The following ALK variants were observed in gnomAD, a reference collection of about 807,000 sequenced individuals.
ALK encodes the protein ALK tyrosine kinase receptor.
Under a neutral mutation model 163.1 loss-of-function variants are expected in ALK, and 74 were observed. The observed-to-expected ratio is 0.45, with a 90% CI of 0.38 to 0.55. ALK has a LOEUF of 0.55. ALK is among the 20% of genes least tolerant of loss of function. The probability of loss-of-function intolerance (pLI) is 0.00; values close to 1 mark genes in which losing one functional copy is unlikely to be tolerated. For synonymous variants in ALK, 960 were observed against 843.2 expected (o/e 1.14, Z -2.40); for missense variants, 2,063 against 2,105.3 (o/e 0.98, Z 0.39).
chr2:29,354,717 T>C (rs1008799632), intron 5 of ALK, among the ~76,000 whole-genome samples: 10 of 152,168 alleles, frequency 6.6e-5, no homozygotes, highest in South Asian at 2.1e-4. Context: ...AGCTTTCTGG[T>C]TCCAGTCCCA....
At chr2:29,355,304 A>T (rs545602652) in intron 5 of ALK, among the ~76,000 whole-genome samples, 1 of 152,296 alleles carries the variant, frequency 6.6e-6, no homozygotes, top group South Asian at 2.1e-4. Flanking sequence ...AAACAAAGTC[A>T]TGCAGCACTG....
intron 1 of ALK, among the ~76,000 whole-genome samples, chr2:29,809,152 G>C (rs1664691102): frequency 6.6e-6 from 1 of 152,200 alleles, no homozygotes; most frequent in African/African-American, 2.4e-5. Context: ...TATGGATGAA[G>C]AGCATTTACT....
At chr2:29,249,457 A>G (rs1489265566) in intron 12 of ALK, among the ~76,000 whole-genome samples, 1 of 151,828 alleles carries the variant, frequency 6.6e-6, no homozygotes, top group Non-Finnish European at 1.5e-5. Context: ...GGTGATTCCT[A>G]TGCCCTCCTT....
At chr2:29,242,028 G>A (rs1277254045) in intron 12 of ALK, among the ~76,000 whole-genome samples, 1 of 152,132 alleles carries the variant, frequency 6.6e-6, no homozygotes, top group Non-Finnish European at 1.5e-5. Flanking sequence ...ACTCCCTCCT[G>A]ATCCATGAGA....
intron 3 of ALK, among the ~76,000 whole-genome samples, chr2:29,549,179 C>T (rs1270099728): frequency 6.6e-6 from 1 of 152,052 alleles, no homozygotes; most frequent in Non-Finnish European, 1.5e-5. Context: ...CACACGGACA[C>T]ACACATGCAC....
intron 3 of ALK, among the ~76,000 whole-genome samples, chr2:29,659,080 G>C (rs1273537921): frequency 6.6e-6 from 1 of 152,080 alleles, no homozygotes; most frequent in Non-Finnish European, 1.5e-5. Flanking sequence ...TAAAGTCCTA[G>C]ATTTAATGCT....
intron 1 of ALK, among the ~76,000 whole-genome samples, chr2:29,824,846 T>C (rs1232206820): frequency 6.6e-6 from 1 of 151,768 alleles, no homozygotes. Flanking sequence ...TGGGGGATGG[T>C]TGGGAATGCA....
intron 18 of ALK, among the ~76,000 whole-genome samples, chr2:29,226,496 AAAAAAAG>A (rs1663998662): frequency 1.3e-5 from 2 of 150,996 alleles, no homozygotes; most frequent in Non-Finnish European, 2.9e-5. Context: ...AAAAAAAAAA[AAAAAAAG>A]AGGAGGAGAA....
At chr2:29,888,623 T>C (rs553141073) in intron 1 of ALK, among the ~76,000 whole-genome samples, 1 of 152,318 alleles carries the variant, frequency 6.6e-6, no homozygotes, top group Admixed American at 6.5e-5. Flanking sequence ...AAGGAATTGT[T>C]AATATTTCTG....
At chr2:29,435,074 CCCT>C (rs1263824258) in intron 4 of ALK, among the ~76,000 whole-genome samples, 50 of 152,140 alleles carry the variant, frequency 3.3e-4, no homozygotes, top group Non-Finnish European at 6.0e-4. Flanking sequence ...TCAAGCAAAG[CCCT>C]TGGGACCTCT....
intron 8 of ALK, among the ~76,000 whole-genome samples, chr2:29,306,311 G>T (rs1284250366): frequency 1.3e-5 from 2 of 152,170 alleles, no homozygotes; most frequent in African/African-American, 4.8e-5. Context: ...AAGCCCACAG[G>T]CTGCAGACCT....
intron 3 of ALK, among the ~76,000 whole-genome samples, chr2:29,558,224 C>T (rs1303644038): frequency 6.6e-6 from 1 of 152,192 alleles, no homozygotes; most frequent in Non-Finnish European, 1.5e-5. Context: ...TGAGATTACT[C>T]ACAGAGACAG....
At chr2:29,405,334 T>G (rs753067390) in intron 4 of ALK, among the ~76,000 whole-genome samples, 28 of 152,204 alleles carry the variant, frequency 1.8e-4, no homozygotes, top group Admixed American at 6.5e-4. Flanking sequence ...GTCTGTGTCT[T>G]CTAACCTACA....
chr2:29,739,418 C>T lies in ALK; in HGVS notation c.668-21721G>A, dbSNP rs569916270. On this transcript the variant is annotated intron_variant, in intron 1 of 28. Transcript: ENST00000389048. Reference sequence around the variant, plus strand: ...ACTAAAAATACAAAAATTAGCTGAGCGTGGTGGTATGTGCCTGTAGTCTCA... The same window carrying T: ...ACTAAAAATACAAAAATTAGCTGAGTGTGGTGGTATGTGCCTGTAGTCTCA... Among the ~76,000 whole-genome samples, 266 of 151,552 alleles carry T rather than the reference C, an allele frequency of 1.8e-3. 7 individuals carry two copies. The highest frequency in any genetic ancestry group is 6.2e-3 in the African/African-American group (254 of 41,168).
intron 3 of ALK, among the ~76,000 whole-genome samples, chr2:29,625,660 G>A (rs1430996660): frequency 6.6e-6 from 1 of 152,228 alleles, no homozygotes; most frequent in Non-Finnish European, 1.5e-5. Context: ...ACAAGCCTAG[G>A]CGATATGGCC....
intron 5 of ALK, among the ~76,000 whole-genome samples, chr2:29,350,442 C>A (rs1029212032): frequency 1.3e-5 from 2 of 152,242 alleles, no homozygotes. Flanking sequence ...TGTGGAGATC[C>A]TGGGAAGATC....
At chr2:29,493,484 G>A (rs1212842389) in intron 4 of ALK, among the ~76,000 whole-genome samples, 2 of 152,162 alleles carry the variant, frequency 1.3e-5, no homozygotes, top group East Asian at 3.9e-4. Context: ...ATGTTTCTAG[G>A]AGGTCCCTGC....
chr2:29,733,469 T>C (rs554961698), intron 1 of ALK, among the ~76,000 whole-genome samples: 12 of 152,332 alleles, frequency 7.9e-5, no homozygotes, highest in African/African-American at 2.4e-4. Context: ...GTTCCAACAC[T>C]TACTAGCACC....
At chr2:29,382,750 T>C (rs1668931103) in intron 5 of ALK, among the ~76,000 whole-genome samples, 1 of 152,250 alleles carries the variant, frequency 6.6e-6, no homozygotes, top group African/African-American at 2.4e-5. Context: ...CATTGCCTCA[T>C]ATCATAGGTT....
Sources: gnomAD v4.1 joint callset for allele counts (sites outside exome capture counted in the v4.1 genomes callset) on GRCh38, gnomAD v4.1.1 for gene constraint, MANE v1.5 for transcripts, NCBI Gene and HGNC (gene_info 2026-07-23, HGNC 2026-07-21) for gene names.